ARMC9: variants seen among roughly 807,000 people sequenced by gnomAD.
ARMC9 encodes lisH domain-containing protein ARMC9.
A neutral mutation model predicts 107.0 loss-of-function variants in ARMC9; 94 were observed. The ratio of observed to expected loss-of-function variants is 0.88; its 90% confidence interval spans 0.74 to 1.04. The LOEUF is 1.04. Ranked by LOEUF, ARMC9 falls within the 50% of genes least tolerant of loss-of-function variation. The pLI, the probability that ARMC9 is intolerant of heterozygous loss-of-function variation, is 0.00. For missense variants in ARMC9, 942 were observed against 1,030.1 expected (o/e 0.91, Z 1.17); for synonymous variants, 380 against 396.9 (o/e 0.96, Z 0.51).
intron 18 of ARMC9, among the ~76,000 whole-genome samples, chr2:231,292,714 C>T (rs1216443677): frequency 6.6e-6 from 1 of 152,214 alleles, no homozygotes; most frequent in Non-Finnish European, 1.5e-5. Context: ...CCATGCCCTT[C>T]CCTGACACCC....
At chr2:231,302,433 G>GTTTTTTTTTTT (rs1322418026) in intron 19 of ARMC9, among the ~76,000 whole-genome samples, 8 of 96,390 alleles carry the variant, frequency 8.3e-5, no homozygotes, top group Admixed American at 1.1e-4. Context: ...AGCATTGTGG[G>GTTTTTTTTTTT]TTTGTTTTTT....
At chr2:231,285,765 C>G (rs1181927627) in intron 17 of ARMC9, among the ~76,000 whole-genome samples, 1 of 152,190 alleles carries the variant, frequency 6.6e-6, no homozygotes, top group East Asian at 1.9e-4. Context: ...CAGTTGCCTA[C>G]TTAATTATTT....
chr2:231,350,670 A>AT (rs990573241), intron 21 of ARMC9, among the ~76,000 whole-genome samples: 11 of 151,862 alleles, frequency 7.2e-5, no homozygotes, highest in Non-Finnish European at 1.3e-4. Context: ...GTTCAAGGCA[A>AT]TGGTGGGCAT....
intron 21 of ARMC9, among the ~76,000 whole-genome samples, chr2:231,349,432 G>A (rs1158629206): frequency 6.6e-6 from 1 of 151,912 alleles, no homozygotes; most frequent in East Asian, 1.9e-4. Flanking sequence ...GGGAAGGGTG[G>A]TTGGTTGGGG....
intron 2 of ARMC9, among the ~76,000 whole-genome samples, 162 bp from the exon 3 acceptor site, chr2:231,207,965 T>A (rs2032271358): frequency 6.6e-6 from 1 of 152,254 alleles, no homozygotes; most frequent in African/African-American, 2.4e-5. Flanking sequence ...GTGGTTTTGA[T>A]TTGCATTTCT....
intron 11 of ARMC9, among the ~76,000 whole-genome samples, chr2:231,261,849 G>A (rs2038383474): frequency 6.6e-6 from 1 of 151,284 alleles, no homozygotes; most frequent in South Asian, 2.1e-4. Context: ...TTGAGACCGA[G>A]TCTTGCTCTG....
intron 16 of ARMC9, 32 bp downstream of exon 16, chr2:231,278,490 G>A (rs773108433): frequency 2.8e-5 from 45 of 1,604,896 alleles, no homozygotes; most frequent in South Asian, 7.7e-5. Context: ...CCCTGGGCTC[G>A]GGGAGGCTAC....
intron 17 of ARMC9, 73 bp downstream of exon 17, chr2:231,282,206 C>T: frequency 6.8e-7 from 1 of 1,464,024 alleles, no homozygotes; most frequent in Non-Finnish European, 9.6e-7. Context: ...AGCAAGACCT[C>T]CTTGATTGGG....
At chr2:231,269,506 C>T (rs1010560399) in intron 12 of ARMC9, among the ~76,000 whole-genome samples, 4 of 151,140 alleles carry the variant, frequency 2.6e-5, no homozygotes, top group African/African-American at 9.8e-5. Context: ...CTGCCTCAGC[C>T]TCCCGAGTAG....
chr2:231,249,780 A>G (rs900655969), intron 9 of ARMC9, among the ~76,000 whole-genome samples: 7 of 151,916 alleles, frequency 4.6e-5, no homozygotes, highest in African/African-American at 1.7e-4. Flanking sequence ...TGACCCAGAC[A>G]TCTTCAGATG....
intron 15 of ARMC9, 74 bp downstream of exon 15, chr2:231,276,849 G>A (rs951379710): frequency 6.4e-7 from 1 of 1,561,724 alleles, no homozygotes. Flanking sequence ...TTTCTAGTGA[G>A]CCTGATATGG....
At chr2:231,272,657 A>C (rs1226216386) in intron 13 of ARMC9, among the ~76,000 whole-genome samples, 2 of 152,004 alleles carry the variant, frequency 1.3e-5, no homozygotes, top group Non-Finnish European at 2.9e-5. Context: ...CTGGGATTAC[A>C]GGCATCTGCC....
intron 17 of ARMC9, among the ~76,000 whole-genome samples, chr2:231,287,746 A>C (rs762587819): frequency 6.6e-6 from 1 of 152,172 alleles, no homozygotes; most frequent in Non-Finnish European, 1.5e-5. Flanking sequence ...CGCCTGGCCT[A>C]AGTATGGGCC....
chr2:231,318,563 C>T (rs887826556), intron 19 of ARMC9, among the ~76,000 whole-genome samples: 1 of 152,152 alleles, frequency 6.6e-6, no homozygotes, highest in East Asian at 1.9e-4. Context: ...GCCACTTGCC[C>T]TCTACCACGT....
At chr2:231,339,157 G>T (rs1262840646) in intron 20 of ARMC9, among the ~76,000 whole-genome samples, 4 of 151,748 alleles carry the variant, frequency 2.6e-5, no homozygotes, top group Admixed American at 2.0e-4. Context: ...GTGAAACTCC[G>T]TCTCTACTAA....
chr2:231,244,728 G>A (rs920970354), intron 9 of ARMC9, among the ~76,000 whole-genome samples: 5 of 152,182 alleles, frequency 3.3e-5, no homozygotes, highest in African/African-American at 1.2e-4. Flanking sequence ...TGGGAATTAC[G>A]GAAGCATTCT....
chr2:231,339,830 G>C lies in ARMC9; in HGVS notation c.1879-5145G>C, dbSNP rs187878231. 1.5e-3 allele frequency among the ~76,000 whole-genome samples: 234 copies of C among 152,338 alleles called. 1 individual carries two copies. Among genetic ancestry groups the C allele is most frequent in the Middle Eastern group, 3.4e-3 (1 of 294 alleles). ...GCCTGTAATCCCAGCTACTTGGAAG[G>C]CTAAGGCAGGAGTAATCGCTTGAAC... On this transcript the variant is annotated intron_variant, in intron 20 of 24. Coordinates refer to ENST00000611582, the MANE Select transcript of ARMC9 (RefSeq NM_001352754.2).
At chr2:231,217,838 G>A (rs2033685490) in intron 5 of ARMC9, among the ~76,000 whole-genome samples, 1 of 152,096 alleles carries the variant, frequency 6.6e-6, no homozygotes, top group South Asian at 2.1e-4. Context: ...AGCTACAGGT[G>A]CGCACCAGCA....
chr2:231,368,074 A>G (rs1202066342), intron 23 of ARMC9, among the ~76,000 whole-genome samples: 2 of 152,174 alleles, frequency 1.3e-5, no homozygotes, highest in Non-Finnish European at 2.9e-5. Flanking sequence ...ATTTGAACCA[A>G]ATAATTTTAA....
Sources: allele counts gnomAD v4.1 joint callset (sites outside exome capture counted in the v4.1 genomes callset), GRCh38; gene constraint gnomAD v4.1.1; transcripts MANE v1.5; gene names NCBI Gene and HGNC (gene_info 2026-07-23, HGNC 2026-07-21).